The following DAB1 variants were observed in gnomAD, a reference collection of about 807,000 sequenced individuals.
The protein encoded by DAB1 is DAB adaptor protein 1, also known as disabled homolog 1.
A neutral mutation model predicts 64.6 loss-of-function variants in DAB1; 15 were observed. That is an observed-to-expected ratio of 0.23 (90% CI 0.16 to 0.36). The LOEUF (loss-of-function observed/expected upper bound fraction) is 0.36, where lower values mean the gene tolerates loss of function less well. Among genes scored for constraint, DAB1 ranks in the 10% least tolerant of loss-of-function variants. The pLI is 1.00. For synonymous variants in DAB1, 235 were observed against 251.9 expected (o/e 0.93, Z 0.64); for missense variants, 596 against 706.7 (o/e 0.84, Z 1.78).
intron 9 of DAB1, among the ~76,000 whole-genome samples, chr1:57,057,822 A>G (rs552945804): frequency 7.2e-5 from 11 of 151,734 alleles, no homozygotes; most frequent in Non-Finnish European, 4.4e-5. Context: ...ATTAGCCAGG[A>G]TGGTCTCGAT....
At position 57,483,592 on chromosome 1, in the gene DAB1, CT is replaced by C. The variant is rs1336675310; in HGVS notation, n.625+165999del. On this transcript the variant is annotated intron_variant and non_coding_transcript_variant, in intron 7 of 20. Coordinates refer to the DAB1 transcript ENST00000485760. ...CAGACTAATACATTTATTAATTCAA[CT>C]TTTTTTTGTTGTTGTTTTTCTGTTT... is the stretch of plus-strand genomic sequence containing the variant. Among the ~76,000 whole-genome samples, 6 of 151,940 alleles carry C rather than the reference CT, an allele frequency of 3.9e-5. No homozygotes were observed. In the East Asian group the frequency reaches 9.7e-4, roughly 24 times the overall value.
Position 57,564,107 on chromosome 1 carries a change from G to A in DAB1, n.625+85485C>T, listed in dbSNP as rs560045329. On this transcript the variant is annotated intron_variant and non_coding_transcript_variant, in intron 7 of 20. Coordinates refer to the DAB1 transcript ENST00000485760. ...ACGAAGCTTCCAGAGGAACAATCAG[G>A]CAGCAACATTTGCTATTCACCAATA... 1.3e-4 allele frequency among the ~76,000 whole-genome samples: 20 copies of A among 152,210 alleles called. No individual in the cohort carries two copies. The East Asian group carries it at 3.3e-3, about 25-fold the overall frequency.
At chr1:57,563,476 C>T (rs780176289) in intron 7 of DAB1, among the ~76,000 whole-genome samples, 2 of 152,054 alleles carry the variant, frequency 1.3e-5, no homozygotes, top group African/African-American at 2.4e-5. Context: ...AAGCATGAGC[C>T]GAAGCAGGGT....
At chr1:58,308,270 A>T (rs1432957962) in intron 4 of DAB1, among the ~76,000 whole-genome samples, 1 of 152,096 alleles carries the variant, frequency 6.6e-6, no homozygotes, top group Non-Finnish European at 1.5e-5. Context: ...CCTTTTATCC[A>T]AGCATCTGAA....
intron 9 of DAB1, among the ~76,000 whole-genome samples, chr1:57,044,237 T>C (rs1031048589): frequency 2.8e-4 from 42 of 152,242 alleles, no homozygotes; most frequent in African/African-American, 9.9e-4. Context: ...TCCTTTTCTG[T>C]TGGCAGCCTT....
chr1:57,613,397 C>G (rs1418865499), intron 7 of DAB1, among the ~76,000 whole-genome samples: 1 of 152,198 alleles, frequency 6.6e-6, no homozygotes, highest in African/African-American at 2.4e-5. Flanking sequence ...TTGAGCCTCA[C>G]TCAGCAGCTG....
At chr1:57,093,130 T>C (rs1209350300) in intron 4 of DAB1, among the ~76,000 whole-genome samples, 1 of 152,206 alleles carries the variant, frequency 6.6e-6, no homozygotes, top group Non-Finnish European at 1.5e-5. Context: ...GAGCTGGTCC[T>C]AGGTTCTGCA....
chr1:58,471,151 T>G (rs766834561), intron 3 of DAB1, among the ~76,000 whole-genome samples: 35 of 152,176 alleles, frequency 2.3e-4, no homozygotes, highest in Non-Finnish European at 4.0e-4. Flanking sequence ...AGGCAGACAG[T>G]GCCAGCATTG....
intron 7 of DAB1, among the ~76,000 whole-genome samples, chr1:57,577,039 A>G (rs1645258889): frequency 6.6e-6 from 1 of 152,226 alleles, no homozygotes; most frequent in African/African-American, 2.4e-5. Context: ...GTGCAGGAGC[A>G]GTGGTGAAGG....
At chr1:57,777,180 A>G (rs1649850756) in intron 6 of DAB1, among the ~76,000 whole-genome samples, 1 of 137,548 alleles carries the variant, frequency 7.3e-6, no homozygotes, top group South Asian at 2.3e-4. Context: ...AAATCAGTGA[A>G]CCTTCTTATT....
chr1:57,720,355 T>TG (rs1647135622), intron 6 of DAB1, among the ~76,000 whole-genome samples: 1 of 152,132 alleles, frequency 6.6e-6, no homozygotes, highest in Admixed American at 6.6e-5. Context: ...ATTACAGAGG[T>TG]GGGATGCAGT....
intron 1 of DAB1, among the ~76,000 whole-genome samples, chr1:57,833,055 G>C (rs945553418): frequency 9.5e-6 from 1 of 104,990 alleles, no homozygotes; most frequent in Admixed American, 1.1e-4. Flanking sequence ...GCCTGGGAAG[G>C]ACTGAGACTG....
chr1:58,078,666 C>T (rs965166272), intron 5 of DAB1, among the ~76,000 whole-genome samples: 4 of 152,104 alleles, frequency 2.6e-5, no homozygotes, highest in Non-Finnish European at 5.9e-5. Flanking sequence ...ATATGCCAGA[C>T]ATATGCTTGA....
intron 5 of DAB1, among the ~76,000 whole-genome samples, chr1:58,093,289 G>A (rs1372264704): frequency 6.6e-6 from 1 of 152,166 alleles, no homozygotes; most frequent in African/African-American, 2.4e-5. Flanking sequence ...GACAGTGTAG[G>A]GGCAGAAGGT....
intron 4 of DAB1, among the ~76,000 whole-genome samples, chr1:58,174,262 C>T (rs1434358372): frequency 6.6e-6 from 1 of 152,220 alleles, no homozygotes; most frequent in Non-Finnish European, 1.5e-5. Context: ...TGGAGTTGGG[C>T]AACATGGTTT....
chr1:57,544,316 G>A (rs191826138), intron 7 of DAB1, among the ~76,000 whole-genome samples: 1 of 152,268 alleles, frequency 6.6e-6, no homozygotes, highest in African/African-American at 2.4e-5. Context: ...TGCTTTGCTA[G>A]TCACTTTCAT....
At chr1:57,823,400 G>C (rs575974688), downstream of DAB1, among the ~76,000 whole-genome samples, 4 of 152,220 alleles carry the variant, frequency 2.6e-5, no homozygotes, top group South Asian at 8.3e-4. Flanking sequence ...CACCGAGGAA[G>C]AGGAAGGGGA....
rs1001472046 is a variant in DAB1 at position 57,015,402 on chromosome 1, A to G, written c.925T>C (p.Ser309Pro). ...ACGAGGGGCTGCTGACCCCAGAAGG[A>G]CGGGAGGACAGCGCCCATTGCAACG... is the stretch of plus-strand genomic sequence containing the variant. ...GYVAMGAVLP[S>P]FWGQQPLVQQ... The change falls in exon 12 of 15, where the codon TCC becomes CCC. Residue 309 changes from serine (S) to proline (P), a missense_variant. By Grantham distance (74) the Ser-to-Pro change is moderately conservative. Transcript: ENST00000371236. 3 of 1,613,214 alleles carry G rather than the reference A, an allele frequency of 1.9e-6. No homozygotes were observed. The African/African-American group carries it at 4.0e-5, about 22-fold the overall frequency.
intron 4 of DAB1, among the ~76,000 whole-genome samples, chr1:58,169,521 G>C (rs1656046738): frequency 2.0e-5 from 3 of 151,984 alleles, no homozygotes; most frequent in Non-Finnish European, 4.4e-5. Flanking sequence ...TCTCTGATGG[G>C]GAAAAAAAGC....
Sources: gnomAD v4.1 joint callset for allele counts (sites outside exome capture counted in the v4.1 genomes callset) on GRCh38, gnomAD v4.1.1 for gene constraint, MANE v1.5 for transcripts, NCBI Gene and HGNC (gene_info 2026-07-23, HGNC 2026-07-21) for gene names.